ASIC2: variants seen among roughly 807,000 people sequenced by gnomAD.
ASIC2 encodes the protein acid sensing ion channel subunit 2.
A neutral mutation model predicts 57.3 loss-of-function variants in ASIC2; 25 were observed. The ratio of observed to expected loss-of-function variants is 0.44; its 90% CI spans 0.32 to 0.61. The LOEUF (loss-of-function observed/expected upper bound fraction) is 0.61. Ranked by LOEUF, ASIC2 falls within the 20% of genes least tolerant of loss-of-function variation. ASIC2 has a pLI of 0.06. For missense variants in ASIC2, 641 were observed against 738.1 expected (o/e 0.87, Z 1.52); for synonymous variants, 319 against 307.5 (o/e 1.04, Z -0.39).
intron 1 of ASIC2, among the ~76,000 whole-genome samples, chr17:33,538,240 G>A (rs1202901449): frequency 1.3e-5 from 2 of 152,144 alleles, no homozygotes; most frequent in African/African-American, 4.8e-5. Flanking sequence ...AAGCTAAACA[G>A]GACTTAGAGG....
chr17:33,205,140 C>T (rs1388226806), intron 1 of ASIC2, among the ~76,000 whole-genome samples: 3 of 152,206 alleles, frequency 2.0e-5, no homozygotes, highest in Non-Finnish European at 2.9e-5. Flanking sequence ...TCTGCAGTTT[C>T]CTCTCTCTGT....
chr17:34,004,583 C>T (rs1372197475), intron 1 of ASIC2: 6 of 152,218 alleles, frequency 3.9e-5, no homozygotes, highest in Non-Finnish European at 5.9e-5. Context: ...TGAATGCAGT[C>T]ATGGCCTTTT....
At chr17:33,066,119 G>A (rs1395535690) in intron 3 of ASIC2, among the ~76,000 whole-genome samples, 2 of 152,114 alleles carry the variant, frequency 1.3e-5, no homozygotes, top group African/African-American at 4.8e-5. Flanking sequence ...CATCTCCAGC[G>A]AGTCCTTTCC....
intron 2 of ASIC2, among the ~76,000 whole-genome samples, chr17:33,098,928 A>T (rs1474191010): frequency 6.6e-6 from 1 of 150,482 alleles, no homozygotes; most frequent in Admixed American, 6.6e-5. Flanking sequence ...ACACACACAA[A>T]ATATATATAT....
chr17:33,579,819 G>C (rs910796140), intron 1 of ASIC2, among the ~76,000 whole-genome samples: 1 of 152,112 alleles, frequency 6.6e-6, no homozygotes, highest in African/African-American at 2.4e-5. Flanking sequence ...TTGGATTTCG[G>C]CGTCTGGCTC....
chr17:34,127,167 A>G (rs1299697820), intron 1 of ASIC2, among the ~76,000 whole-genome samples: 1 of 152,190 alleles, frequency 6.6e-6, no homozygotes, highest in Non-Finnish European at 1.5e-5. Context: ...CGTTATGAGT[A>G]AGTTTTCTAT....
At chr17:34,128,288 T>C (rs575053463) in intron 1 of ASIC2, among the ~76,000 whole-genome samples, 3 of 152,282 alleles carry the variant, frequency 2.0e-5, no homozygotes, top group African/African-American at 7.2e-5. Flanking sequence ...CTTGTCCCTA[T>C]TGAGAAGTTC....
At chr17:34,040,968 C>G (rs1165051260) in intron 1 of ASIC2, among the ~76,000 whole-genome samples, 2 of 152,114 alleles carry the variant, frequency 1.3e-5, no homozygotes, top group Admixed American at 6.5e-5. Context: ...GTAATTTGCA[C>G]AGGGACACAC....
At chr17:34,056,640 TTAA>T (rs1333804148) in intron 1 of ASIC2, among the ~76,000 whole-genome samples, 1 of 152,106 alleles carries the variant, frequency 6.6e-6, no homozygotes, top group Non-Finnish European at 1.5e-5. Context: ...AACTAACTAA[TTAA>T]TAATACAGAC....
chr17:34,095,659 T>TTATA (rs200777326), intron 1 of ASIC2, among the ~76,000 whole-genome samples: 2,282 of 93,060 alleles, frequency 0.025, 83 homozygotes, highest in African/African-American at 0.12. Flanking sequence ...ATATATAATT[T>TTATA]TATATATATA....
chr17:33,110,458 C>T lies in ASIC2; in HGVS notation c.859+1459G>A, dbSNP rs544755968. On this transcript the variant is annotated intron_variant, in intron 2 of 9. Coordinates refer to ENST00000225823, the MANE Select transcript of ASIC2 (RefSeq NM_183377.2). ...AAAGTACACAGGATCAACAAAGTGTCTCCTCAGAGAGTGGCTGATGGGGCT... is the reference window on the plus strand; with the variant it reads ...AAAGTACACAGGATCAACAAAGTGTTTCCTCAGAGAGTGGCTGATGGGGCT... Among the ~76,000 whole-genome samples the T allele has an allele frequency of 4.7e-4, 71 of 152,348 alleles. 1 individual carries two copies. The highest frequency in any genetic ancestry group is 6.8e-3 in the Middle Eastern group (2 of 294).
chr17:33,624,494 C>A (rs140790196), intron 1 of ASIC2, among the ~76,000 whole-genome samples: 1 of 152,352 alleles, frequency 6.6e-6, no homozygotes, highest in African/African-American at 2.4e-5. Flanking sequence ...GGACAAGTCA[C>A]GTTTTCTCCT....
chr17:34,083,676 A>C (rs1165792482), intron 1 of ASIC2, among the ~76,000 whole-genome samples: 1 of 152,168 alleles, frequency 6.6e-6, no homozygotes, highest in Non-Finnish European at 1.5e-5. Context: ...CATCCTCTCC[A>C]GCACCTGTTG....
At chr17:34,043,044 A>C (rs1908196477) in intron 1 of ASIC2, among the ~76,000 whole-genome samples, 1 of 152,228 alleles carries the variant, frequency 6.6e-6, no homozygotes, top group African/African-American at 2.4e-5. Context: ...AAAAGAATAC[A>C]TAGTGCATGA....
chr17:33,411,543 A>G (rs1910660207), intron 1 of ASIC2, among the ~76,000 whole-genome samples: 1 of 152,198 alleles, frequency 6.6e-6, no homozygotes, highest in South Asian at 2.1e-4. Context: ...AAGGAAGGGA[A>G]AGGAAGGTAT....
intron 1 of ASIC2, among the ~76,000 whole-genome samples, chr17:33,689,564 C>T (rs1163980864): frequency 2.7e-5 from 4 of 149,114 alleles, no homozygotes; most frequent in African/African-American, 1.0e-4. Flanking sequence ...CCAATCTGTA[C>T]CAATTTTCTG....
intron 1 of ASIC2, among the ~76,000 whole-genome samples, chr17:33,470,945 A>G (rs1369629068): frequency 6.9e-6 from 1 of 145,462 alleles, no homozygotes; most frequent in African/African-American, 2.6e-5. Context: ...TCCCCTGCCT[A>G]GGGGTTTTCA....
intron 1 of ASIC2, among the ~76,000 whole-genome samples, chr17:33,749,819 A>T (rs1477203146): frequency 1.3e-5 from 2 of 152,174 alleles, no homozygotes; most frequent in East Asian, 3.9e-4. Flanking sequence ...GCCAGTGTGG[A>T]TTGGAGAAAG....
rs913662805 is a variant in ASIC2 at position 33,786,955 on chromosome 17, C to G, written c.555+369023G>C. 5.3e-5 allele frequency among the ~76,000 whole-genome samples: 8 copies of G among 152,348 alleles called. No individual in the cohort carries two copies. In the East Asian group the frequency reaches 1.3e-3, roughly 26 times the overall value. Reference sequence around the variant, plus strand: ...ACATACTTTCATACTGTGATACAAACTAATTTAGCAAAGAATTGCTAATTA... The same window carrying G: ...ACATACTTTCATACTGTGATACAAAGTAATTTAGCAAAGAATTGCTAATTA... On this transcript the variant is annotated intron_variant, in intron 1 of 9. Coordinates refer to the ASIC2 transcript ENST00000359872.
Sources: allele counts gnomAD v4.1 joint callset (sites outside exome capture counted in the v4.1 genomes callset), GRCh38; gene constraint gnomAD v4.1.1; transcripts MANE v1.5; gene names NCBI Gene and HGNC (gene_info 2026-07-23, HGNC 2026-07-21).